ZC3HAV1L: variants seen among roughly 807,000 people sequenced by gnomAD.
ZC3HAV1L encodes ZC3HAV1 like, also known as zinc finger CCCH-type antiviral protein 1-like.
Under a neutral mutation model 28.2 loss-of-function variants are expected in ZC3HAV1L, and 23 were observed. The ratio of observed to expected loss-of-function variants is 0.82; its 90% CI spans 0.59 to 1.16. ZC3HAV1L has a LOEUF of 1.16. Among genes scored for constraint, ZC3HAV1L ranks in the 50% most tolerant of loss-of-function variants. The pLI is 0.00. For missense variants in ZC3HAV1L, 376 were observed against 387.7 expected, an observed-to-expected ratio of 0.97 and a Z score of 0.25; for synonymous variants, 180 against 163.4, an observed-to-expected ratio of 1.10 and a Z score of -0.78.
chr7:139,034,947 A>C (rs1815654820), intron 1 of ZC3HAV1L: 1 of 985,440 alleles, frequency 1.0e-6, no homozygotes, highest in Non-Finnish European at 1.2e-6. Context: ...TCTGTTCCGT[A>C]GGCGACTGCA....
At chr7:139,030,792 C>A (rs995218977) in intron 2 of ZC3HAV1L, among the ~76,000 whole-genome samples, 6 of 151,810 alleles carry the variant, frequency 4.0e-5, no homozygotes, top group East Asian at 3.9e-4. Flanking sequence ...GCACTCCAGG[C>A]TGGACGACAG....
chr7:139,022,408 T>G (rs748964648), downstream of ZC3HAV1L: 4 of 436,026 alleles, frequency 9.2e-6, no homozygotes, highest in Admixed American at 2.4e-5. Flanking sequence ...TAGCTGAGTA[T>G]GGTGGCATGC....
chr7:139,034,796 A>C, intron 1 of ZC3HAV1L, 118 bp from the exon 2 acceptor site: 1 of 1,464,834 alleles, frequency 6.8e-7, no homozygotes, highest in Non-Finnish European at 9.0e-7. Flanking sequence ...AATTTTCATG[A>C]AACCGGGGAT....
intron 2 of ZC3HAV1L, among the ~76,000 whole-genome samples, chr7:139,032,750 AT>A (rs1815572301): frequency 6.6e-6 from 1 of 152,018 alleles, no homozygotes; most frequent in African/African-American, 2.4e-5. Flanking sequence ...CACCCAAAAA[AT>A]AATAGCCATG....
intron 4 of ZC3HAV1L, 71 bp from the exon 5 acceptor site, chr7:139,026,631 T>G: frequency 1.2e-6 from 2 of 1,612,890 alleles, no homozygotes; most frequent in South Asian, 1.1e-5. Context: ...AAATTAAAGC[T>G]AAACAGAAGG....
downstream of ZC3HAV1L, among the ~76,000 whole-genome samples, chr7:139,021,816 CA>C (rs1348213100): frequency 6.6e-6 from 1 of 151,730 alleles, no homozygotes; most frequent in East Asian, 1.9e-4. Context: ...GAAAAAATAT[CA>C]AAAAAACTTA....
At chr7:139,030,862 A>C in intron 2 of ZC3HAV1L, among the ~76,000 whole-genome samples, 1 of 152,034 alleles carries the variant, frequency 6.6e-6, no homozygotes, top group African/African-American at 2.4e-5. Flanking sequence ...AATTAAATAA[A>C]GTGAAATAAA....
At chr7:139,033,866 A>T (rs896005339) in intron 2 of ZC3HAV1L, 1 of 985,288 alleles carries the variant, frequency 1.0e-6, no homozygotes, top group African/African-American at 1.7e-5. Context: ...TCCTGCCAAT[A>T]ACCTGCTTCA....
At chr7:139,025,361 C>T (rs150220897), downstream of ZC3HAV1L, among the ~76,000 whole-genome samples, 582 of 151,744 alleles carry the variant, frequency 3.8e-3, 4 homozygotes, top group African/African-American at 0.013. Flanking sequence ...GGCAGGAGAA[C>T]CACTTGAACC....
At chr7:139,029,622 G>C (rs1815465675) in intron 2 of ZC3HAV1L, among the ~76,000 whole-genome samples, 1 of 152,160 alleles carries the variant, frequency 6.6e-6, no homozygotes, top group African/African-American at 2.4e-5. Context: ...TTGTTCCACA[G>C]CTCCCCATGA....
chr7:139,036,009 C>G lies in ZC3HAV1L; in HGVS notation c.9G>C (p.Glu3Asp). MA[E>D]PTVCSFLTKV... ...TGGTGAGGAAGGAGCACACTGTGGGCTCCGCCATGGTCGCTGGCGCGGGCC... is the reference window on the plus strand; with the variant it reads ...TGGTGAGGAAGGAGCACACTGTGGGGTCCGCCATGGTCGCTGGCGCGGGCC... The change falls in exon 1 of 5, where the codon GAG (glutamate) becomes GAC (aspartate). Residue 3 changes from glutamate to aspartate, a missense_variant. Coordinates refer to ENST00000275766, the MANE Select transcript of ZC3HAV1L (RefSeq NM_080660.4). 1 of 1,510,760 alleles carries G rather than the reference C, an allele frequency of 6.6e-7. No individual in the cohort carries two copies. The highest frequency in any genetic ancestry group is 8.8e-7 in the Non-Finnish European group (1 of 1,137,774). 93.6% of individuals were successfully genotyped at this position (1,510,760 alleles called of 1,614,324 possible). A position where few individuals can be genotyped will look rare whatever the true frequency, so the allele number is the denominator to read the frequency against.
At chr7:139,030,725 A>G (rs1424073415) in intron 2 of ZC3HAV1L, among the ~76,000 whole-genome samples, 1 of 132,840 alleles carries the variant, frequency 7.5e-6, no homozygotes, top group Non-Finnish European at 1.7e-5. Flanking sequence ...TGGGAGGCTG[A>G]GGCAGAATTG....
intron 1 of ZC3HAV1L, chr7:139,034,891 G>C: frequency 1.0e-5 from 10 of 985,406 alleles, no homozygotes; most frequent in Non-Finnish European, 1.1e-5. Flanking sequence ...TTTTCAGTAG[G>C]GATGCTTTGA....
chr7:139,033,977 A>G, intron 2 of ZC3HAV1L: 2 of 985,398 alleles, frequency 2.0e-6, no homozygotes, highest in Non-Finnish European at 2.4e-6. Context: ...AAGAAATGAA[A>G]CAGGTTATGC....
chr7:139,030,064 C>A (rs1815478134), intron 2 of ZC3HAV1L, among the ~76,000 whole-genome samples: 1 of 152,206 alleles, frequency 6.6e-6, no homozygotes, highest in Non-Finnish European at 1.5e-5. Flanking sequence ...CTATGAAAGT[C>A]TGACATCCCC....
In ZC3HAV1L at chr7:139,035,559, G is replaced by A. The variant is rs148997623; in HGVS notation, c.365+94C>T. The A allele has an allele frequency of 4.2e-4, 562 of 1,338,520 alleles. 7 individuals carry two copies. The East Asian group carries it at 0.015, about 35-fold the overall frequency. 82.9% of individuals were successfully genotyped at this position (1,338,520 alleles called of 1,614,324 possible). On this transcript the variant is annotated intron_variant, in intron 1 of 4. Coordinates refer to ENST00000275766, the MANE Select transcript of ZC3HAV1L (RefSeq NM_080660.4). ...AGCCCCGCGTCCCCGGCCCGGGGCA[G>A]GACGAAGCCCCCCTTCCCGTCGCTC... is the stretch of plus-strand genomic sequence containing the variant.
chr7:139,035,197 G>A (rs998847380), intron 1 of ZC3HAV1L: 17 of 985,184 alleles, frequency 1.7e-5, no homozygotes, highest in Non-Finnish European at 2.0e-5. Context: ...GCTCAGCGCT[G>A]TTAAACCTAG....
chr7:139,028,620 T>C (rs1341531481), intron 3 of ZC3HAV1L, 82 bp downstream of exon 3: 5 of 1,515,262 alleles, frequency 3.3e-6, no homozygotes, highest in South Asian at 1.3e-5. Context: ...CTCACTTTCA[T>C]GTCACTGTTC....
rs1355707471 is a variant in ZC3HAV1L at position 139,026,842 on chromosome 7, A to T, written c.761-9T>A. The T allele has an allele frequency of 6.2e-7, 1 of 1,604,686 alleles. No homozygotes were observed. The highest frequency in any genetic ancestry group is 1.3e-5 in the African/African-American group (1 of 74,816). Reference sequence around the variant, plus strand: ...CGAAGGTGATGAATTATCTACAAAGAGGAAAGGGATAAGTTTTCCTACGAT... The same window carrying T: ...CGAAGGTGATGAATTATCTACAAAGTGGAAAGGGATAAGTTTTCCTACGAT... On this transcript the variant is annotated splice_polypyrimidine_tract_variant and intron_variant, in intron 3 of 4. Coordinates refer to ENST00000275766, the MANE Select transcript of ZC3HAV1L (RefSeq NM_080660.4).
Sources: gnomAD v4.1 joint callset for allele counts (sites outside exome capture counted in the v4.1 genomes callset) on GRCh38, gnomAD v4.1.1 for gene constraint, MANE v1.5 for transcripts, NCBI Gene and HGNC (gene_info 2026-07-23, HGNC 2026-07-21) for gene names.